Variants in SEMA3E observed in about 807,000 individuals in gnomAD.
SEMA3E encodes the protein semaphorin-3E.
In SEMA3E, 49 loss-of-function variants were observed where a neutral mutation model predicts 93.6. The observed-to-expected ratio is 0.52, with a 90% CI of 0.42 to 0.66. The LOEUF is 0.66. SEMA3E is among the 30% of genes least tolerant of loss of function. The probability of loss-of-function intolerance (pLI) is 0.00; values close to 1 mark genes in which losing one functional copy is unlikely to be tolerated. For synonymous variants in SEMA3E, 363 were observed against 330.7 expected (o/e 1.10, Z -1.06); for missense variants, 906 against 964.8 (o/e 0.94, Z 0.81).
At chr7:83,540,738 G>A (rs1218717578) in intron 1 of SEMA3E, among the ~76,000 whole-genome samples, 4 of 152,210 alleles carry the variant, frequency 2.6e-5, no homozygotes, top group Non-Finnish European at 5.9e-5. Flanking sequence ...CTCTGAGTGT[G>A]AAGGCAGAAG....
chr7:83,591,951 C>G (rs1028289024), intron 1 of SEMA3E, among the ~76,000 whole-genome samples: 1 of 151,910 alleles, frequency 6.6e-6, no homozygotes, highest in African/African-American at 2.4e-5. Flanking sequence ...AACATGAAAC[C>G]TAGCTTGCAT....
At chr7:83,581,598 A>T (rs1350810434) in intron 1 of SEMA3E, among the ~76,000 whole-genome samples, 1 of 152,054 alleles carries the variant, frequency 6.6e-6, no homozygotes. Flanking sequence ...ATTTTGCACC[A>T]TGGAAAAGCA....
At chr7:83,435,703 T>G (rs1027202841) in intron 4 of SEMA3E, among the ~76,000 whole-genome samples, 3 of 152,188 alleles carry the variant, frequency 2.0e-5, no homozygotes, top group Admixed American at 2.0e-4. Flanking sequence ...CACCTGTATA[T>G]TCTAACAAAA....
At chr7:83,377,310 A>T (rs10257208) in intron 16 of SEMA3E, among the ~76,000 whole-genome samples, 14,285 of 152,030 alleles carry the variant, frequency 0.094, 2,225 homozygotes, top group African/African-American at 0.32. Context: ...TATTCATTTT[A>T]TAGGGCTTTA....
chr7:83,555,104 G>A (rs951421965), intron 1 of SEMA3E, among the ~76,000 whole-genome samples: 7 of 152,024 alleles, frequency 4.6e-5, no homozygotes, highest in African/African-American at 1.7e-4. Flanking sequence ...AATAGGTGCA[G>A]TCTTGAATTT....
At chr7:83,394,213 T>G in intron 13 of SEMA3E, 84 bp downstream of exon 13, 1 of 1,374,782 alleles carries the variant, frequency 7.3e-7, no homozygotes, top group East Asian at 2.3e-5. Flanking sequence ...TAAGCACATG[T>G]ACTAATGTTC....
At chr7:83,555,605 G>T (rs887357023) in intron 1 of SEMA3E, among the ~76,000 whole-genome samples, 3 of 152,116 alleles carry the variant, frequency 2.0e-5, no homozygotes, top group Non-Finnish European at 2.9e-5. Context: ...ATTGCGATTT[G>T]CCCATCTCTT....
At chr7:83,478,971 C>T (rs1275640047) in intron 2 of SEMA3E, among the ~76,000 whole-genome samples, 1 of 152,170 alleles carries the variant, frequency 6.6e-6, no homozygotes, top group African/African-American at 2.4e-5. Flanking sequence ...CCAAAGTAAT[C>T]ACTAAACTAC....
chr7:83,540,541 A>G (rs1791511278), intron 1 of SEMA3E, among the ~76,000 whole-genome samples: 1 of 152,196 alleles, frequency 6.6e-6, no homozygotes, highest in African/African-American at 2.4e-5. Context: ...AAAAATATGG[A>G]ATAATTTAGT....
chr7:83,519,668 TATC>T (rs1278390564), intron 1 of SEMA3E, among the ~76,000 whole-genome samples: 1 of 152,156 alleles, frequency 6.6e-6, no homozygotes, highest in Non-Finnish European at 1.5e-5. Context: ...TTATAGCATT[TATC>T]ATACTGAGTT....
intron 1 of SEMA3E, among the ~76,000 whole-genome samples, chr7:83,566,098 T>C (rs1412747287): frequency 6.7e-6 from 1 of 148,392 alleles, no homozygotes; most frequent in Non-Finnish European, 1.5e-5. Flanking sequence ...CCTGGGTTCA[T>C]GCCATTCTCC....
At chr7:83,434,687 T>A (rs1788963937) in intron 4 of SEMA3E, among the ~76,000 whole-genome samples, 1 of 151,484 alleles carries the variant, frequency 6.6e-6, no homozygotes, top group African/African-American at 2.4e-5. Flanking sequence ...GAGGATAGAT[T>A]TATTTATCCT....
chr7:83,611,289 AATTTATATATTATATATATAAATT>A (rs1793251097), intron 1 of SEMA3E, among the ~76,000 whole-genome samples: 1 of 143,558 alleles, frequency 7.0e-6, no homozygotes, highest in Non-Finnish European at 1.5e-5. Flanking sequence ...TTATATATTA[AATTTATATATTATATATATAAATT>A]TATGTATAAT....
At chr7:83,482,085 T>C (rs1217255047) in intron 2 of SEMA3E, among the ~76,000 whole-genome samples, 3 of 152,154 alleles carry the variant, frequency 2.0e-5, no homozygotes, top group Non-Finnish European at 4.4e-5. Context: ...TGTTTACTAA[T>C]GTGCAGCCAA....
intron 2 of SEMA3E, among the ~76,000 whole-genome samples, chr7:83,479,662 A>G (rs992886185): frequency 1.6e-4 from 25 of 152,146 alleles, no homozygotes; most frequent in African/African-American, 5.8e-4. Flanking sequence ...GAAAGATACT[A>G]TGGATATCTG....
At chr7:83,641,966 C>G (rs1235556760) in intron 1 of SEMA3E, among the ~76,000 whole-genome samples, 1 of 152,120 alleles carries the variant, frequency 6.6e-6, no homozygotes, top group Non-Finnish European at 1.5e-5. Context: ...TTCAGAAAAC[C>G]TAAGTAACTT....
intron 16 of SEMA3E, among the ~76,000 whole-genome samples, chr7:83,376,314 A>G (rs1020057572): frequency 6.6e-6 from 1 of 152,084 alleles, no homozygotes; most frequent in Non-Finnish European, 1.5e-5. Context: ...GTCATGTAAC[A>G]AACAAAATGG....
At chr7:83,438,287 T>C (rs1044948592) in intron 4 of SEMA3E, among the ~76,000 whole-genome samples, 4 of 152,236 alleles carry the variant, frequency 2.6e-5, no homozygotes, top group East Asian at 1.9e-4. Flanking sequence ...TTATAATTCA[T>C]GTAGAAAATG....
rs749161747 is a variant in SEMA3E at position 83,598,017 on chromosome 7, C to T, written c.115+50411G>A. ...GAAGTTAAAAGGAAGAGAAATATTT[C>T]GAAGGCATTGCAACTAACTTTGTAC... On this transcript the variant is annotated intron_variant, in intron 1 of 16. Coordinates refer to ENST00000643230, the MANE Select transcript of SEMA3E (RefSeq NM_012431.3). Among the ~76,000 whole-genome samples the T allele has an allele frequency of 1.2e-4, 19 of 152,134 alleles. 1 individual carries two copies. Among genetic ancestry groups the T allele is most frequent in the African/African-American group, 3.6e-4 (15 of 41,438 alleles).
Sources: gnomAD v4.1 joint callset for allele counts (sites outside exome capture counted in the v4.1 genomes callset) on GRCh38, gnomAD v4.1.1 for gene constraint, MANE v1.5 for transcripts, NCBI Gene and HGNC (gene_info 2026-07-23, HGNC 2026-07-21) for gene names.